SLC35F4: variants seen among roughly 807,000 people sequenced by gnomAD.
The protein encoded by SLC35F4 is solute carrier family 35 member F4.
In SLC35F4, 24 loss-of-function variants were observed where a neutral mutation model predicts 44.2. That is an observed-to-expected ratio of 0.54 (90% CI 0.39 to 0.76). The LOEUF is 0.76. Ranked by LOEUF, SLC35F4 falls within the 30% of genes least tolerant of loss-of-function variation. The pLI, the probability that SLC35F4 is intolerant of heterozygous loss-of-function variation, is 0.00. For missense variants in SLC35F4, 562 were observed against 586.1 expected (o/e 0.96, Z 0.42); for synonymous variants, 238 against 223.6 (o/e 1.06, Z -0.57).
chr14:57,929,551 A>G lies in SLC35F4; in HGVS notation n.282+52362T>C, dbSNP rs184843513. On this transcript the variant is annotated intron_variant and non_coding_transcript_variant, in intron 1 of 1. Coordinates refer to the SLC35F4 transcript ENST00000556568. The stretch of plus-strand genomic sequence containing the variant: ...GTTGAGTAGTGTCCCTCACTTTTGT[A>G]TCTAACCTTTACAAAATCCTCTCAC... Among the ~76,000 whole-genome samples the G allele has an allele frequency of 4.7e-3, 710 of 152,236 alleles. 2 individuals are homozygous for G. Among genetic ancestry groups the G allele is most frequent in the African/African-American group, 0.016 (655 of 41,538 alleles).
intron 1 of SLC35F4, among the ~76,000 whole-genome samples, chr14:57,646,236 G>A (rs1364193569): frequency 6.6e-6 from 1 of 152,152 alleles, no homozygotes; most frequent in East Asian, 1.9e-4. Flanking sequence ...GAATTCGGCT[G>A]TGAATCCATC....
In SLC35F4 at chr14:57,714,282, T is replaced by G. The variant is rs146840199; in HGVS notation, c.104-120158A>C. Among the ~76,000 whole-genome samples the G allele has an allele frequency of 1.1e-4, 16 of 152,150 alleles. No homozygotes were observed. The East Asian group carries it at 2.7e-3, about 26-fold the overall frequency. ...TGCATCCACTCTTTAAGCCAGAAAA[T>G]AGGAGAGTTTTGCCTCAAAACATGA... is the stretch of plus-strand genomic sequence containing the variant. On this transcript the variant is annotated intron_variant, in intron 1 of 7. Coordinates refer to ENST00000556826, the MANE Select transcript of SLC35F4 (RefSeq NM_001306087.2).
At chr14:57,578,245 T>A (rs1410585055) in intron 4 of SLC35F4, among the ~76,000 whole-genome samples, 1 of 147,260 alleles carries the variant, frequency 6.8e-6, no homozygotes, top group Non-Finnish European at 1.5e-5. Flanking sequence ...CCAACAAACA[T>A]CTGTTTCTAA....
At chr14:57,581,088 G>GT in intron 4 of SLC35F4, 126 bp downstream of exon 4, 1 of 970,160 alleles carries the variant, frequency 1.0e-6, no homozygotes, top group Non-Finnish European at 1.4e-6. Flanking sequence ...TCAGATTTCG[G>GT]TTTGTACTCA....
At chr14:57,749,995 A>T (rs1270466398) in intron 1 of SLC35F4, among the ~76,000 whole-genome samples, 2 of 152,196 alleles carry the variant, frequency 1.3e-5, no homozygotes, top group Non-Finnish European at 2.9e-5. Flanking sequence ...ATCACCCTAA[A>T]TAACACATGT....
At chr14:57,642,155 G>A (rs779730215) in intron 1 of SLC35F4, among the ~76,000 whole-genome samples, 21 of 151,894 alleles carry the variant, frequency 1.4e-4, no homozygotes, top group Admixed American at 1.1e-3. Flanking sequence ...ATAAGGCCAC[G>A]TGCTAAGGTG....
chr14:57,840,026 A>G (rs541242708), intron 1 of SLC35F4, among the ~76,000 whole-genome samples: 4 of 152,214 alleles, frequency 2.6e-5, no homozygotes, highest in Non-Finnish European at 5.9e-5. Flanking sequence ...TAACATTCAT[A>G]CATTTTATTG....
intron 1 of SLC35F4, among the ~76,000 whole-genome samples, chr14:57,796,825 C>T (rs1056547025): frequency 1.3e-5 from 2 of 152,296 alleles, no homozygotes; most frequent in East Asian, 1.9e-4. Flanking sequence ...CACACATACA[C>T]ACAAACCCTC....
At chr14:57,752,211 T>C (rs1260281103) in intron 1 of SLC35F4, among the ~76,000 whole-genome samples, 1 of 152,170 alleles carries the variant, frequency 6.6e-6, no homozygotes, top group Non-Finnish European at 1.5e-5. Context: ...CATTTTAATG[T>C]TTGTGGTTTT....
At chr14:57,856,112 T>C (rs1391204455) in intron 1 of SLC35F4, among the ~76,000 whole-genome samples, 1 of 151,864 alleles carries the variant, frequency 6.6e-6, no homozygotes, top group African/African-American at 2.4e-5. Context: ...GTTCAAGTGA[T>C]TCTCCTGTCT....
chr14:57,645,009 T>C (rs1002695473), intron 1 of SLC35F4, among the ~76,000 whole-genome samples: 2 of 152,208 alleles, frequency 1.3e-5, no homozygotes, highest in Non-Finnish European at 2.9e-5. Context: ...TACCATGCTG[T>C]TTTGGTTACT....
downstream of SLC35F4, among the ~76,000 whole-genome samples, chr14:57,972,294 G>T (rs1315003857): frequency 2.0e-5 from 3 of 152,166 alleles, no homozygotes; most frequent in African/African-American, 2.4e-5. Context: ...TTAGCAGATT[G>T]CTCTGGAGGC....
chr14:57,663,317 CT>C (rs929356564), intron 1 of SLC35F4, among the ~76,000 whole-genome samples: 1 of 152,196 alleles, frequency 6.6e-6, no homozygotes, highest in African/African-American at 2.4e-5. Context: ...TAAATTCTAA[CT>C]GTTGTCTAAT....
intron 1 of SLC35F4, among the ~76,000 whole-genome samples, chr14:57,839,837 T>A (rs1885322620): frequency 6.6e-6 from 1 of 152,166 alleles, no homozygotes; most frequent in African/African-American, 2.4e-5. Context: ...CTGTATTTTT[T>A]AAATATTCCA....
intron 1 of SLC35F4, among the ~76,000 whole-genome samples, chr14:57,728,435 TTCTTTC>T (rs2076260317): frequency 4.4e-5 from 5 of 113,574 alleles, no homozygotes; most frequent in African/African-American, 6.5e-5. Flanking sequence ...TCTTTTTTCT[TTCTTTC>T]TTTTTTTTTT....
intron 1 of SLC35F4, among the ~76,000 whole-genome samples, chr14:57,774,325 G>T (rs2077437734): frequency 6.6e-6 from 1 of 152,174 alleles, no homozygotes; most frequent in Admixed American, 6.5e-5. Context: ...CTCTCACCCT[G>T]AGCCTCTGAA....
At chr14:57,823,182 G>A (rs1178270390) in intron 1 of SLC35F4, among the ~76,000 whole-genome samples, 4 of 151,912 alleles carry the variant, frequency 2.6e-5, no homozygotes, top group African/African-American at 9.7e-5. Flanking sequence ...CTACCTTCTC[G>A]GCATCATTCT....
chr14:57,847,135 A>G (rs1886098148), intron 1 of SLC35F4, among the ~76,000 whole-genome samples: 1 of 152,254 alleles, frequency 6.6e-6, no homozygotes. Context: ...TTGGAAATGT[A>G]AAAACAGAAA....
intron 1 of SLC35F4, among the ~76,000 whole-genome samples, chr14:57,689,056 A>G (rs1335769809): frequency 6.6e-6 from 1 of 152,136 alleles, no homozygotes; most frequent in Non-Finnish European, 1.5e-5. Flanking sequence ...ATAAAAACAC[A>G]TCATCAAGAA....
Sources: gnomAD v4.1 joint callset for allele counts (sites outside exome capture counted in the v4.1 genomes callset) on GRCh38, gnomAD v4.1.1 for gene constraint, MANE v1.5 for transcripts, NCBI Gene and HGNC (gene_info 2026-07-23, HGNC 2026-07-21) for gene names.